The following FPR3 variants were observed in gnomAD, a reference collection of about 807,000 sequenced individuals.
FPR3 encodes the protein N-formyl peptide receptor 3.
For missense variants in FPR3, 346 were observed against 443.2 expected (o/e 0.78, Z 1.97); for synonymous variants, 135 against 163.6 (o/e 0.83, Z 1.34).
chr19:51,796,814 A>G (rs2084002244), intron 1 of FPR3, among the ~76,000 whole-genome samples: 1 of 152,174 alleles, frequency 6.6e-6, no homozygotes, highest in African/African-American at 2.4e-5. Context: ...TGAGGTTTGG[A>G]GTCTATGGGA....
intron 1 of FPR3, among the ~76,000 whole-genome samples, chr19:51,818,360 A>G (rs2084159659): frequency 6.6e-6 from 1 of 152,250 alleles, no homozygotes; most frequent in South Asian, 2.1e-4. Context: ...CCTGAAAACT[A>G]TAAGACACAA....
Position 51,824,287 on chromosome 19 carries a change from T to A in FPR3, c.539T>A (p.Phe180Tyr). 6.2e-7 allele frequency: 1 copy of A among 1,614,168 alleles called. No homozygotes were observed. The highest frequency in any genetic ancestry group is 8.5e-7 in the Non-Finnish European group (1 of 1,180,016). The change falls in exon 2 of 2, where the codon TTT becomes TAT. Residue 180 changes from phenylalanine to tyrosine, a missense_variant. Phe to Tyr is a conservative substitution (Grantham distance 22). Transcript: ENST00000339223. The surrounding 1 kb of genome is among the most constrained non-coding windows in gnomAD (Gnocchi z 4.7). Reference protein sequence around the residue: ...TNGDTYCIFNFAFWGDTAVER... With the variant: ...TNGDTYCIFNYAFWGDTAVER... The stretch of plus-strand genomic sequence containing the variant: ...GGGGACACATACTGTATTTTCAACT[T>A]TGCATTCTGGGGTGACACTGCTGTA...
intron 1 of FPR3, among the ~76,000 whole-genome samples, chr19:51,807,167 A>G (rs990806125): frequency 6.6e-6 from 1 of 152,032 alleles, no homozygotes; most frequent in African/African-American, 2.4e-5. Flanking sequence ...AATGGCCCTG[A>G]GCTTTACACA....
chr19:51,819,589 T>G (rs2084172798), intron 1 of FPR3, among the ~76,000 whole-genome samples: 1 of 152,142 alleles, frequency 6.6e-6, no homozygotes, highest in African/African-American at 2.4e-5. Flanking sequence ...TCCACTGGAT[T>G]TGGCAGTCTG....
chr19:51,817,172 T>C (rs548845126), intron 1 of FPR3, among the ~76,000 whole-genome samples: 135 of 152,280 alleles, frequency 8.9e-4, no homozygotes, highest in African/African-American at 3.1e-3. Flanking sequence ...AAACCCTGAG[T>C]TTCTGTCACT....
chr19:51,810,760 C>T (rs4802869), intron 1 of FPR3, among the ~76,000 whole-genome samples: 40,207 of 152,082 alleles, frequency 0.26, 5,661 homozygotes, highest in East Asian at 0.46. Context: ...CTAAGGTCAA[C>T]CGGCTCTGTA....
intron 1 of FPR3, among the ~76,000 whole-genome samples, chr19:51,802,210 A>C (rs2084029827): frequency 6.6e-6 from 1 of 152,154 alleles, no homozygotes. Context: ...ATCTGAAAAA[A>C]AAAAAATTCG....
At chr19:51,813,359 GA>G (rs2084111541) in intron 1 of FPR3, among the ~76,000 whole-genome samples, 1 of 152,012 alleles carries the variant, frequency 6.6e-6, no homozygotes, top group Admixed American at 6.6e-5. Flanking sequence ...AATCATAATT[GA>G]AAACCTCCAC....
chr19:51,819,927 T>C (rs555293325), intron 1 of FPR3, among the ~76,000 whole-genome samples: 4 of 152,266 alleles, frequency 2.6e-5, no homozygotes, highest in African/African-American at 9.6e-5. Flanking sequence ...ACAAATACCA[T>C]TTCTTGGGAA....
intron 1 of FPR3, among the ~76,000 whole-genome samples, chr19:51,813,963 A>G (rs943032389): frequency 6.6e-6 from 1 of 152,186 alleles, no homozygotes; most frequent in Non-Finnish European, 1.5e-5. Flanking sequence ...TTCTGTGGTC[A>G]CTTTCAAGAA....
intron 1 of FPR3, among the ~76,000 whole-genome samples, chr19:51,807,941 TAGAA>T (rs1336307022): frequency 6.6e-6 from 1 of 152,258 alleles, no homozygotes; most frequent in Non-Finnish European, 1.5e-5. Flanking sequence ...TTTGATTAGA[TAGAA>T]AGAACCATTC....
At chr19:51,818,655 A>T (rs554783032) in intron 1 of FPR3, among the ~76,000 whole-genome samples, 3 of 152,156 alleles carry the variant, frequency 2.0e-5, no homozygotes, top group East Asian at 3.8e-4. Context: ...CCAGAGGAAG[A>T]TCATAGTAGG....
intron 1 of FPR3, among the ~76,000 whole-genome samples, chr19:51,813,705 T>C (rs73061063): frequency 0.13 from 19,646 of 151,904 alleles, 1,477 homozygotes; most frequent in South Asian, 0.3. Context: ...TAATTTTGCT[T>C]TTGTATTTTT....
chr19:51,818,105 G>A (rs993870435), intron 1 of FPR3, among the ~76,000 whole-genome samples: 1 of 151,800 alleles, frequency 6.6e-6, no homozygotes, highest in Non-Finnish European at 1.5e-5. Context: ...GCAAACTGTC[G>A]CAAGGACAAA....
intron 1 of FPR3, among the ~76,000 whole-genome samples, chr19:51,803,306 C>T (rs2084036852): frequency 6.6e-6 from 1 of 152,150 alleles, no homozygotes. Flanking sequence ...TAACAACTGC[C>T]TAATGACTTT....
chr19:51,796,573 A>G (rs1345950536), intron 1 of FPR3, among the ~76,000 whole-genome samples: 1 of 152,226 alleles, frequency 6.6e-6, no homozygotes, highest in Non-Finnish European at 1.5e-5. Context: ...TGACAGGGCC[A>G]TGGACACCGG....
At chr19:51,798,036 T>C (rs975116512) in intron 1 of FPR3, among the ~76,000 whole-genome samples, 1 of 151,890 alleles carries the variant, frequency 6.6e-6, no homozygotes, top group Admixed American at 6.6e-5. Context: ...AATCCTCCCC[T>C]GAAAATCAGT....
At chr19:51,802,394 C>T (rs2084030753) in intron 1 of FPR3, among the ~76,000 whole-genome samples, 1 of 152,192 alleles carries the variant, frequency 6.6e-6, no homozygotes, top group African/African-American at 2.4e-5. Flanking sequence ...CTCATCCTAC[C>T]CTCATGCCAG....
chr19:51,801,007 C>T (rs1309930971), intron 1 of FPR3, among the ~76,000 whole-genome samples: 2 of 152,130 alleles, frequency 1.3e-5, no homozygotes, highest in African/African-American at 4.8e-5. Flanking sequence ...GGCCCTTTTC[C>T]TCCTTCCCCT....
Sources: allele counts gnomAD v4.1 joint callset (sites outside exome capture counted in the v4.1 genomes callset), GRCh38; gene constraint gnomAD v4.1.1; non-coding constraint Gnocchi (gnomAD v3.1); transcripts MANE v1.5; gene names NCBI Gene and HGNC (gene_info 2026-07-23, HGNC 2026-07-21).